The following FAM120A variants were observed in gnomAD, a reference collection of about 807,000 sequenced individuals.
The protein encoded by FAM120A is constitutive coactivator of PPAR-gamma-like protein 1.
A neutral mutation model predicts 109.7 loss-of-function variants in FAM120A; 15 were observed. That is an observed-to-expected ratio of 0.14 (90% CI 0.09 to 0.21). FAM120A has a LOEUF of 0.21. FAM120A is among the 10% of genes least tolerant of loss of function. The pLI, the probability that FAM120A is intolerant of heterozygous loss-of-function variation, is 1.00. For missense variants in FAM120A, 899 were observed against 1,439.3 expected, an observed-to-expected ratio of 0.62 and a Z score of 6.07; for synonymous variants, 493 against 572.8, an observed-to-expected ratio of 0.86 and a Z score of 1.99.
At chr9:93,530,609 T>G (rs1192367623) in intron 9 of FAM120A, 1 of 152,236 alleles carries the variant, frequency 6.6e-6, no homozygotes, top group South Asian at 2.1e-4. Flanking sequence ...ATTTATTTTT[T>G]AGTTGTAATG....
intron 7 of FAM120A, among the ~76,000 whole-genome samples, chr9:93,525,314 C>T (rs1452046368): frequency 6.6e-6 from 1 of 151,992 alleles, no homozygotes; most frequent in Non-Finnish European, 1.5e-5. Context: ...ACAGGTGTGT[C>T]CCCTCCTTGC....
At chr9:93,494,046 C>A (rs147234952) in intron 3 of FAM120A, among the ~76,000 whole-genome samples, 3 of 152,166 alleles carry the variant, frequency 2.0e-5, no homozygotes, top group African/African-American at 7.2e-5. Flanking sequence ...AGTCTCTGAT[C>A]GAGGTCCAGG....
In FAM120A at chr9:93,543,173, C is replaced by G. The variant is rs371262998; in HGVS notation, c.1910-49C>G. On this transcript the variant is annotated intron_variant, in intron 10 of 17. Transcript: ENST00000277165. Reference sequence around the variant, plus strand: ...TGCTTGTTTTTGTTAAGACTGAAAGCAGGTGAATGATGCATGAATGTGTCT... The same window carrying G: ...TGCTTGTTTTTGTTAAGACTGAAAGGAGGTGAATGATGCATGAATGTGTCT... The G allele has an allele frequency of 5.2e-5, 82 of 1,587,234 alleles. No homozygotes were observed. In the African/African-American group the frequency reaches 1.1e-3, roughly 21 times the overall value.
chr9:93,508,402 G>T (rs1346139162), intron 5 of FAM120A, among the ~76,000 whole-genome samples: 1 of 152,164 alleles, frequency 6.6e-6, no homozygotes. Flanking sequence ...GTCAGCCTGT[G>T]CCCTGACAGG....
At chr9:93,462,705 G>A (rs958790701) in intron 1 of FAM120A, among the ~76,000 whole-genome samples, 1 of 152,092 alleles carries the variant, frequency 6.6e-6, no homozygotes, top group African/African-American at 2.4e-5. Flanking sequence ...TTTCTTCCAT[G>A]CCCCAGCTCC....
chr9:93,559,849 TA>T (rs1287718831), intron 15 of FAM120A, among the ~76,000 whole-genome samples: 1 of 152,206 alleles, frequency 6.6e-6, no homozygotes, highest in Non-Finnish European at 1.5e-5. Flanking sequence ...CTGAGTTTCT[TA>T]AAATTGTGTC....
At chr9:93,546,941 G>A (rs1352437627) in intron 11 of FAM120A, among the ~76,000 whole-genome samples, 1 of 152,218 alleles carries the variant, frequency 6.6e-6, no homozygotes, top group African/African-American at 2.4e-5. Flanking sequence ...AGGGAATTTA[G>A]TTTTTGCTTT....
chr9:93,550,199 A>G (rs906679737), intron 11 of FAM120A, among the ~76,000 whole-genome samples: 2 of 152,164 alleles, frequency 1.3e-5, no homozygotes, highest in South Asian at 2.1e-4. Flanking sequence ...ATTTATACCT[A>G]GGGTCTGCCT....
At chr9:93,524,915 T>C (rs1378885638) in intron 7 of FAM120A, among the ~76,000 whole-genome samples, 1 of 152,184 alleles carries the variant, frequency 6.6e-6, no homozygotes, top group African/African-American at 2.4e-5. Context: ...AAATGTCTGG[T>C]TTACGTACAT....
At chr9:93,478,634 G>A (rs750886999) in intron 3 of FAM120A, among the ~76,000 whole-genome samples, 2 of 151,892 alleles carry the variant, frequency 1.3e-5, no homozygotes, top group Non-Finnish European at 1.5e-5. Flanking sequence ...CTGCCACCAC[G>A]CCAGCTAATT....
chr9:93,561,714 T>G (rs1862473250), intron 16 of FAM120A, among the ~76,000 whole-genome samples: 2 of 152,168 alleles, frequency 1.3e-5, no homozygotes, highest in South Asian at 4.1e-4. Context: ...ATTTATAATG[T>G]TTGCATAGGA....
chr9:93,475,829 G>T (rs1237174233), intron 2 of FAM120A, among the ~76,000 whole-genome samples: 1 of 152,156 alleles, frequency 6.6e-6, no homozygotes, highest in Non-Finnish European at 1.5e-5. Context: ...TAATTGTGCA[G>T]ATTTCACATT....
chr9:93,482,777 A>C (rs1054081134), intron 3 of FAM120A, among the ~76,000 whole-genome samples: 3 of 152,078 alleles, frequency 2.0e-5, no homozygotes, highest in Admixed American at 2.0e-4. Flanking sequence ...TTTGAGACAA[A>C]GAGGAACTGA....
chr9:93,460,870 C>G (rs1857766276), intron 1 of FAM120A, among the ~76,000 whole-genome samples: 1 of 152,196 alleles, frequency 6.6e-6, no homozygotes, highest in Non-Finnish European at 1.5e-5. Context: ...GCTTGGCCAC[C>G]TGGTGCAGAG....
intron 17 of FAM120A, among the ~76,000 whole-genome samples, chr9:93,563,830 G>A (rs1862550236): frequency 6.6e-6 from 1 of 152,226 alleles, no homozygotes; most frequent in South Asian, 2.1e-4. Flanking sequence ...AATGGGGTGT[G>A]TGTGCTGCTG....
chr9:93,538,637 TG>T (rs1194848477), intron 10 of FAM120A, among the ~76,000 whole-genome samples: 3 of 152,214 alleles, frequency 2.0e-5, no homozygotes, highest in African/African-American at 7.2e-5. Context: ...GCGCCCTTAG[TG>T]GGCATTGCTA....
chr9:93,495,128 C>T (rs767677582), intron 3 of FAM120A, among the ~76,000 whole-genome samples: 2 of 152,142 alleles, frequency 1.3e-5, no homozygotes, highest in Admixed American at 6.5e-5. Context: ...GCAGGCCCTC[C>T]GTGGCTGCCA....
intron 9 of FAM120A, chr9:93,530,073 C>T (rs1271260545): frequency 5.5e-6 from 1 of 183,310 alleles, no homozygotes; most frequent in Admixed American, 5.4e-5. Context: ...GTGCTAAGAA[C>T]AAAAAATATA....
rs368992682 is a variant in FAM120A at position 93,564,443 on chromosome 9, C to T, written c.3260C>T (p.Thr1087Met). ...SESALNNDSKTCNTNPHLNAL... is the reference protein window; with the variant it reads ...SESALNNDSKMCNTNPHLNAL... Reference sequence around the variant, plus strand: ...AGTGCCTTGAATAATGACTCTAAAACGTGCAATACAAATCCTCATTTAAAT... The same window carrying T: ...AGTGCCTTGAATAATGACTCTAAAATGTGCAATACAAATCCTCATTTAAAT... The change falls in exon 18 of 18, where the codon ACG becomes ATG. Residue 1087 changes from threonine (T) to methionine (M), a missense_variant. Around this residue, in one of 11 missense-constraint regions of FAM120A, gnomAD observed 170 missense variants for 205.0 expected, o/e 0.83. Coordinates refer to ENST00000277165, the MANE Select transcript of FAM120A (RefSeq NM_014612.5). 14 of 1,614,248 alleles carry T rather than the reference C, an allele frequency of 8.7e-6. No individual in the cohort carries two copies. Among genetic ancestry groups the T allele is most frequent in the South Asian group, 6.6e-5 (6 of 91,088 alleles).
Sources: allele counts gnomAD v4.1 joint callset (sites outside exome capture counted in the v4.1 genomes callset), GRCh38; gene constraint gnomAD v4.1.1; regional missense constraint gnomAD v4.1.1; transcripts MANE v1.5; gene names NCBI Gene and HGNC (gene_info 2026-07-23, HGNC 2026-07-21).